The following BCAR3 variants were observed in gnomAD, a reference collection of about 807,000 sequenced individuals.
BCAR3 encodes BCAR3 adaptor protein, NSP family member.
In BCAR3, 37 loss-of-function variants were observed where a neutral mutation model predicts 80.1. The observed-to-expected ratio is 0.46, with a 90% CI of 0.36 to 0.61. The LOEUF (loss-of-function observed/expected upper bound fraction) is 0.61. Among genes scored for constraint, BCAR3 ranks in the 20% least tolerant of loss-of-function variants. BCAR3 has a pLI of 0.00. For synonymous variants in BCAR3, 389 were observed against 418.9 expected, an observed-to-expected ratio of 0.93 and a Z score of 0.87; for missense variants, 978 against 1,068.2, an observed-to-expected ratio of 0.92 and a Z score of 1.18.
rs185092602 is a variant in BCAR3, at chr1:93,728,457, T to C, written c.-62-22315A>G. On this transcript the variant is annotated intron_variant, in intron 2 of 13. Transcript: ENST00000370244. ...CAGTTCAATTAGACCCTCTACCCTG[T>C]TGCAAGGACAGAGGGCTTTCTGTAT... Among the ~76,000 whole-genome samples, 380 of 152,366 alleles carry C rather than the reference T, an allele frequency of 2.5e-3. 1 individual carries two copies. Among genetic ancestry groups the C allele is most frequent in the African/African-American group, 8.6e-3 (359 of 41,586 alleles).
At chr1:93,682,647 C>T (rs140303825), upstream of BCAR3, among the ~76,000 whole-genome samples, 7 of 152,258 alleles carry the variant, frequency 4.6e-5, no homozygotes, top group African/African-American at 1.7e-4. Flanking sequence ...CTCCGCCTCC[C>T]GGGTTCAAGC....
intron 3 of BCAR3, among the ~76,000 whole-genome samples, chr1:93,622,466 C>G (rs1317651743): frequency 6.6e-6 from 1 of 152,172 alleles, no homozygotes; most frequent in East Asian, 1.9e-4. Flanking sequence ...CTTGGCAACA[C>G]AGGCAGCAGA....
intron 1 of BCAR3, among the ~76,000 whole-genome samples, chr1:93,680,386 C>A (rs1045994869): frequency 1.3e-5 from 2 of 152,168 alleles, no homozygotes; most frequent in Non-Finnish European, 2.9e-5. Context: ...ATCCTCAATA[C>A]CCCCTGGCAC....
At chr1:93,573,617 T>TATTA (rs1557838254) in intron 8 of BCAR3, among the ~76,000 whole-genome samples, 1 of 139,672 alleles carries the variant, frequency 7.2e-6, no homozygotes. Context: ...TTTTTATTAT[T>TATTA]ATTATTATTA....
In BCAR3 at chr1:93,564,568, G is replaced by A. The variant is rs1299803274; in HGVS notation, c.2300-2149C>T. Among the ~76,000 whole-genome samples, 9 of 152,126 alleles carry A rather than the reference G, an allele frequency of 5.9e-5. No homozygotes were observed. In the East Asian group the frequency reaches 9.7e-4, roughly 16 times the overall value. ...GCTGGGATTACAGGCGTGAGCCACC[G>A]TGCCTGGCCAAGAAGTCTTTACTTA... On this transcript the variant is annotated intron_variant, in intron 11 of 11. Transcript: ENST00000260502.
chr1:93,774,381 G>A (rs374089559), intron 2 of BCAR3, among the ~76,000 whole-genome samples: 1 of 151,542 alleles, frequency 6.6e-6, no homozygotes, highest in African/African-American at 2.4e-5. Flanking sequence ...CCACTCAGGA[G>A]TCTGAGGCAG....
intron 3 of BCAR3, among the ~76,000 whole-genome samples, chr1:93,610,185 G>T (rs150859435): frequency 6.6e-6 from 1 of 152,200 alleles, no homozygotes; most frequent in East Asian, 1.9e-4. Flanking sequence ...GGGGAAATGT[G>T]CCTCAAATAC....
chr1:93,835,379 G>C (rs1654727418), intron 2 of BCAR3, among the ~76,000 whole-genome samples: 1 of 152,186 alleles, frequency 6.6e-6, no homozygotes, highest in Non-Finnish European at 1.5e-5. Flanking sequence ...TAAAGAAGCA[G>C]CTTAGCGTTC....
intron 2 of BCAR3, among the ~76,000 whole-genome samples, chr1:93,821,305 G>C (rs1003396242): frequency 1.8e-4 from 28 of 152,134 alleles, no homozygotes; most frequent in African/African-American, 6.8e-4. Context: ...CAGGAGCAAA[G>C]CCTCCTCTGA....
intron 2 of BCAR3, among the ~76,000 whole-genome samples, chr1:93,706,633 G>C (rs1304273378): frequency 2.0e-5 from 3 of 152,112 alleles, no homozygotes; most frequent in Non-Finnish European, 4.4e-5. Flanking sequence ...CTGCAAAATG[G>C]GGATGTAAAT....
At chr1:93,666,558 G>T (rs1320443431) in intron 2 of BCAR3, among the ~76,000 whole-genome samples, 1 of 152,120 alleles carries the variant, frequency 6.6e-6, no homozygotes, top group Non-Finnish European at 1.5e-5. Context: ...AAGGACAGGG[G>T]ATACATCTAT....
At chr1:93,572,515 A>G (rs950978415) in intron 8 of BCAR3, among the ~76,000 whole-genome samples, 2 of 152,226 alleles carry the variant, frequency 1.3e-5, no homozygotes, top group African/African-American at 4.8e-5. Flanking sequence ...TTCTCATCCT[A>G]AACTACATGG....
chr1:93,721,067 G>A (rs959725280), intron 2 of BCAR3, among the ~76,000 whole-genome samples: 11 of 152,180 alleles, frequency 7.2e-5, no homozygotes, highest in South Asian at 4.1e-4. Context: ...CACTGGTAGC[G>A]GCTAGATTGG....
At chr1:93,838,739 T>C (rs1654857103) in intron 2 of BCAR3, among the ~76,000 whole-genome samples, 1 of 152,190 alleles carries the variant, frequency 6.6e-6, no homozygotes, top group Non-Finnish European at 1.5e-5. Flanking sequence ...TAATTTGCAT[T>C]CAAGGGCAGA....
chr1:93,580,431 G>A (rs1673652387), intron 7 of BCAR3, among the ~76,000 whole-genome samples: 1 of 151,724 alleles, frequency 6.6e-6, no homozygotes, highest in African/African-American at 2.4e-5. Flanking sequence ...GACAACATCT[G>A]GTGTCTAGAA....
intron 2 of BCAR3, among the ~76,000 whole-genome samples, chr1:93,811,981 C>A (rs1282827940): frequency 6.6e-6 from 1 of 152,204 alleles, no homozygotes; most frequent in Non-Finnish European, 1.5e-5. Flanking sequence ...GTAAACGTTT[C>A]CCAGCACATC....
In BCAR3 at chr1:93,563,645, T is replaced by TGAA. The variant is rs1280273958; in HGVS notation, c.2300-1229_2300-1227dup. 3.9e-5 allele frequency among the ~76,000 whole-genome samples: 6 copies of TGAA among 152,210 alleles called. 1 individual carries two copies. The highest frequency in any genetic ancestry group is 7.3e-5 in the Non-Finnish European group (5 of 68,032). ...ATTTTATATTCACAGCAGTAACATA[T>TGAA]GAAGACTCCAGTTTTTCCACATGCT... On this transcript the variant is annotated intron_variant, in intron 11 of 11. Transcript: ENST00000260502.
At chr1:93,736,969 T>G (rs1033057356) in intron 2 of BCAR3, among the ~76,000 whole-genome samples, 1 of 152,218 alleles carries the variant, frequency 6.6e-6, no homozygotes, top group Admixed American at 6.5e-5. Flanking sequence ...TTCCAGCTTC[T>G]CCTGTTGGAT....
intron 3 of BCAR3, among the ~76,000 whole-genome samples, chr1:93,629,639 T>C (rs1675549269): frequency 6.6e-6 from 1 of 152,204 alleles, no homozygotes; most frequent in Non-Finnish European, 1.5e-5. Context: ...TGCTGAACTG[T>C]TGTGACACTG....
Sources: gnomAD v4.1 joint callset for allele counts (sites outside exome capture counted in the v4.1 genomes callset) on GRCh38, gnomAD v4.1.1 for gene constraint, MANE v1.5 for transcripts, NCBI Gene and HGNC (gene_info 2026-07-23, HGNC 2026-07-21) for gene names.